The following DCAKD variants were observed in gnomAD, a reference collection of about 807,000 sequenced individuals.
The protein encoded by DCAKD is dephospho-CoA kinase domain-containing protein.
DCAKD carries 15 observed loss-of-function variants against 18.7 expected under a neutral mutation model. That is an observed-to-expected ratio of 0.80 (90% CI 0.54 to 1.24). The LOEUF is 1.24. Among genes scored for constraint, DCAKD ranks in the 50% most tolerant of loss-of-function variants. DCAKD has a pLI of 0.00. For synonymous variants in DCAKD, 130 were observed against 133.0 expected, an observed-to-expected ratio of 0.98 and a Z score of 0.16; for missense variants, 301 against 322.0, an observed-to-expected ratio of 0.93 and a Z score of 0.50.
At chr17:45,040,755 C>T (rs746921281) in intron 1 of DCAKD, among the ~76,000 whole-genome samples, 1 of 152,096 alleles carries the variant, frequency 6.6e-6, no homozygotes, top group Admixed American at 6.5e-5. Context: ...CTGGTGCCTG[C>T]GCTCCAACTC....
chr17:45,045,731 CAAAA>C (rs759264562), intron 1 of DCAKD, among the ~76,000 whole-genome samples: 5 of 70,602 alleles, frequency 7.1e-5, no homozygotes, highest in Non-Finnish European at 3.2e-5. Flanking sequence ...GACTCTGTCT[CAAAA>C]AAAAAAAAAA....
chr17:45,033,263 T>C (rs2053211419), intron 3 of DCAKD, among the ~76,000 whole-genome samples: 2 of 152,234 alleles, frequency 1.3e-5, no homozygotes, highest in African/African-American at 4.8e-5. Context: ...TCTTGCCAAC[T>C]GGCCCCAGGC....
intron 1 of DCAKD, among the ~76,000 whole-genome samples, chr17:45,045,242 G>GC (rs2143334164): frequency 6.6e-6 from 1 of 152,290 alleles, no homozygotes; most frequent in South Asian, 2.1e-4. Context: ...ACCTTACAGA[G>GC]AAACTGTCCC....
intron 1 of DCAKD, among the ~76,000 whole-genome samples, chr17:45,057,601 G>A (rs1257131621): frequency 2.6e-5 from 4 of 151,314 alleles, no homozygotes; most frequent in Non-Finnish European, 5.9e-5. Context: ...TACTCGGGAG[G>A]TTGAGGCAGG....
At position 45,024,082 on chromosome 17, in the gene DCAKD, C is replaced by T. The variant is rs1346231646; in HGVS notation, c.*351G>A. Reference sequence around the variant, plus strand: ...TTGGCCTCCCAGCTCTGAGGAGGGCCACAGAGCCAGTATTCCCTACCCCCA... The same window carrying T: ...TTGGCCTCCCAGCTCTGAGGAGGGCTACAGAGCCAGTATTCCCTACCCCCA... On this transcript the variant is annotated 3_prime_UTR_variant, in exon 5 of 5. Transcript: ENST00000651974. The T allele has an allele frequency of 4.4e-6, 1 of 229,720 alleles. No individual in the cohort carries two copies. Among genetic ancestry groups the T allele is most frequent in the Admixed American group, 4.8e-5 (1 of 20,704 alleles). 14.2% of individuals were successfully genotyped at this position (229,720 alleles called of 1,614,324 possible). A position where few individuals can be genotyped will look rare whatever the true frequency, so the allele number is the denominator to read the frequency against.
At chr17:45,052,856 T>A (rs1242766207), upstream of DCAKD, among the ~76,000 whole-genome samples, 2 of 150,704 alleles carry the variant, frequency 1.3e-5, no homozygotes, top group African/African-American at 4.9e-5. Context: ...AAACGAGACC[T>A]TGCCTCAAAA....
intron 4 of DCAKD, among the ~76,000 whole-genome samples, chr17:45,028,112 C>T (rs1277737182): frequency 6.6e-6 from 1 of 150,898 alleles, no homozygotes; most frequent in Non-Finnish European, 1.5e-5. Flanking sequence ...ACTCTAAGAT[C>T]CTTTTTTTTT....
At chr17:45,038,154 G>A (rs988509215) in intron 1 of DCAKD, among the ~76,000 whole-genome samples, 1 of 151,798 alleles carries the variant, frequency 6.6e-6, no homozygotes, top group Non-Finnish European at 1.5e-5. Context: ...TGGGCCCACT[G>A]CAATCTCTGC....
chr17:45,030,578 T>A (rs940697620), intron 3 of DCAKD, among the ~76,000 whole-genome samples: 3 of 152,254 alleles, frequency 2.0e-5, no homozygotes, highest in Admixed American at 2.0e-4. Context: ...GGGCAGGCAC[T>A]AAGGGTTTAG....
At chr17:45,026,554 G>C (rs1477609341) in intron 4 of DCAKD, 1 of 939,578 alleles carries the variant, frequency 1.1e-6, no homozygotes, top group Non-Finnish European at 1.3e-6. Flanking sequence ...ATAGAGACGA[G>C]GTCTTGCTGT....
chr17:45,030,278 G>T, intron 3 of DCAKD, 99 bp from the exon 4 acceptor site: 1 of 1,064,390 alleles, frequency 9.4e-7, no homozygotes, highest in Non-Finnish European at 1.5e-6. Flanking sequence ...CCAGCAGAGG[G>T]GCAGGCCTTC....
In DCAKD at chr17:45,034,959, T is replaced by C; in HGVS notation, c.-74A>G. 2.0e-6 allele frequency: 3 copies of C among 1,516,886 alleles called. No homozygotes were observed. Among genetic ancestry groups the C allele is most frequent in the Non-Finnish European group, 2.7e-6 (3 of 1,103,066 alleles). The allele number at this position is 1,516,886 out of a possible 1,614,324, so 94.0% of individuals were successfully genotyped here. ...GAATCACTGGAGAGCAGGGCAAGTG[T>C]GGCCGATGGGGGCGGTCCACCAGAG... On this transcript the variant is annotated 5_prime_UTR_variant, in exon 2 of 5. Transcript: ENST00000651974.
chr17:45,044,822 C>G (rs2053529400), intron 1 of DCAKD, among the ~76,000 whole-genome samples: 2 of 152,362 alleles, frequency 1.3e-5, no homozygotes, highest in South Asian at 4.1e-4. Flanking sequence ...GAAAGAACCA[C>G]TAATCGCCAG....
At chr17:45,029,140 CA>C (rs900444623) in intron 4 of DCAKD, among the ~76,000 whole-genome samples, 3 of 152,220 alleles carry the variant, frequency 2.0e-5, no homozygotes, top group Non-Finnish European at 4.4e-5. Flanking sequence ...ATGAAGAACC[CA>C]AAGAGGCTGC....
chr17:45,040,203 C>T (rs745956927), intron 1 of DCAKD, among the ~76,000 whole-genome samples: 2 of 151,480 alleles, frequency 1.3e-5, no homozygotes, highest in Non-Finnish European at 2.9e-5. Flanking sequence ...GCCTGACCAA[C>T]ATGGAGAAAC....
At chr17:45,052,204 G>A (rs1012079277), upstream of DCAKD, among the ~76,000 whole-genome samples, 3 of 152,130 alleles carry the variant, frequency 2.0e-5, no homozygotes, top group Admixed American at 6.6e-5. Context: ...TCCTTTCCCC[G>A]GAGCCGGGAA....
At chr17:45,026,728 G>A (rs1056884245) in intron 4 of DCAKD, 10 of 985,262 alleles carry the variant, frequency 1.0e-5, no homozygotes, top group East Asian at 1.1e-4. Context: ...CCTCTGTTAC[G>A]GGGTCAGTGT....
At chr17:45,031,952 T>A in intron 3 of DCAKD, 1 of 985,440 alleles carries the variant, frequency 1.0e-6, no homozygotes, top group Non-Finnish European at 1.2e-6. Context: ...TTTCACCTTA[T>A]CGAGCTCAAA....
chr17:45,059,109 G>A (rs982383168), intron 1 of DCAKD, among the ~76,000 whole-genome samples: 4 of 151,970 alleles, frequency 2.6e-5, no homozygotes, highest in African/African-American at 9.7e-5. Flanking sequence ...GTGAGGTGGC[G>A]GGCACCTGTA....
Sources: allele counts gnomAD v4.1 joint callset (sites outside exome capture counted in the v4.1 genomes callset), GRCh38; gene constraint gnomAD v4.1.1; transcripts MANE v1.5; gene names NCBI Gene and HGNC (gene_info 2026-07-23, HGNC 2026-07-21).